Variants in GCA observed in about 807,000 individuals in gnomAD.
GCA encodes grancalcin, EF-hand calcium-binding protein.
GCA carries 30 observed loss-of-function variants against 32.6 expected under a neutral mutation model. The ratio of observed to expected loss-of-function variants is 0.92; its 90% CI spans 0.69 to 1.25. The LOEUF (loss-of-function observed/expected upper bound fraction) is 1.25, where lower values mean the gene tolerates loss of function less well. GCA is among the 50% of genes most tolerant of loss of function. The pLI is 0.00. For missense variants in GCA, 291 were observed against 266.8 expected (o/e 1.09, Z -0.63); for synonymous variants, 102 against 84.6 (o/e 1.21, Z -1.13).
intron 1 of GCA, among the ~76,000 whole-genome samples, chr2:162,327,465 A>G (rs1683926953): frequency 6.6e-6 from 1 of 152,158 alleles, no homozygotes; most frequent in Non-Finnish European, 1.5e-5. Flanking sequence ...GGGCCCTTTT[A>G]ATCCTTATAA....
At chr2:162,358,547 A>G (rs1461853116) in intron 5 of GCA, among the ~76,000 whole-genome samples, 1 of 151,354 alleles carries the variant, frequency 6.6e-6, no homozygotes, top group Non-Finnish European at 1.5e-5. Context: ...CCAGGACAAA[A>G]AAGAATGTTT....
rs1309179911 is a variant in GCA at position 162,321,899 on chromosome 2, T to C, written c.-31+2674T>C. On this transcript the variant is annotated intron_variant, in intron 1 of 4. Coordinates refer to the GCA transcript ENST00000429691. ...ATTTAGTTACATATATATATATATA[T>C]ATATATATATATATATATATATATA... is the stretch of plus-strand genomic sequence containing the variant. Among the ~76,000 whole-genome samples the C allele has an allele frequency of 6.7e-5, 6 of 90,104 alleles. No homozygotes were observed. The South Asian group carries it at 1.8e-3, about 27-fold the overall frequency. 59.1% of individuals were successfully genotyped at this position (90,104 alleles called of 152,430 possible).
chr2:162,329,881 G>C (rs1284672952), intron 1 of GCA, among the ~76,000 whole-genome samples: 1 of 152,002 alleles, frequency 6.6e-6, no homozygotes. Context: ...TCCCCCATGT[G>C]TTCTCATCAT....
chr2:162,350,920 A>T (rs868070250), intron 2 of GCA, among the ~76,000 whole-genome samples: 3 of 152,130 alleles, frequency 2.0e-5, no homozygotes, highest in South Asian at 4.1e-4. Flanking sequence ...TCATATATTG[A>T]GTTCTACCTA....
chr2:162,371,748 AG>A (rs1160236820), downstream of GCA: 3 of 1,317,850 alleles, frequency 2.3e-6, no homozygotes, highest in Non-Finnish European at 3.1e-6. Flanking sequence ...CCCTGAGTCA[AG>A]TAGAGAGGAT....
At chr2:162,375,057 G>C (rs1686112783), downstream of GCA, among the ~76,000 whole-genome samples, 1 of 152,044 alleles carries the variant, frequency 6.6e-6, no homozygotes, top group African/African-American at 2.4e-5. Flanking sequence ...TCAAGTCCCA[G>C]CTTATATGTT....
At chr2:162,371,857 A>G, downstream of GCA, 1 of 1,611,200 alleles carries the variant, frequency 6.2e-7, no homozygotes, top group Non-Finnish European at 8.5e-7. Context: ...AGGATCAGAA[A>G]CATGCCTATG....
intron 1 of GCA, among the ~76,000 whole-genome samples, chr2:162,321,582 G>T (rs1576248047): frequency 6.6e-6 from 1 of 151,986 alleles, no homozygotes; most frequent in Admixed American, 6.6e-5. Flanking sequence ...CTGGCAGTGT[G>T]GGGTATGGTT....
Position 162,360,484 on chromosome 2 carries a change from A to G in GCA, c.*241A>G. The G allele has an allele frequency of 1.0e-6, 1 of 981,106 alleles. No homozygotes were observed. The highest frequency in any genetic ancestry group is 1.4e-6 in the Non-Finnish European group (1 of 738,380). The allele number at this position is 981,106 out of a possible 1,614,324, so 60.8% of individuals were successfully genotyped here. ...AAATATGTGCATATTGTCATAAAATATTGTATGATTAATTGATTTAAATAA... is the reference window on the plus strand; with the variant it reads ...AAATATGTGCATATTGTCATAAAATGTTGTATGATTAATTGATTTAAATAA... On this transcript the variant is annotated 3_prime_UTR_variant, in exon 8 of 8. Transcript: ENST00000437150.
At chr2:162,356,627 G>A in intron 4 of GCA, 131 bp from the exon 5 acceptor site, 1 of 861,082 alleles carries the variant, frequency 1.2e-6, no homozygotes, top group Non-Finnish European at 1.8e-6. Context: ...AGGCTTTCTA[G>A]TTTTTATGCA....
chr2:162,372,788 A>G (rs766748836), downstream of GCA, among the ~76,000 whole-genome samples: 1 of 152,164 alleles, frequency 6.6e-6, no homozygotes, highest in Non-Finnish European at 1.5e-5. Context: ...ACTAATTAAG[A>G]CTAATTCCCA....
intron 5 of GCA, among the ~76,000 whole-genome samples, chr2:162,358,291 C>T (rs1576299153): frequency 6.6e-6 from 1 of 151,206 alleles, no homozygotes; most frequent in Admixed American, 6.6e-5. Context: ...CAGTTGTATT[C>T]GTTTTAAATT....
intron 4 of GCA, among the ~76,000 whole-genome samples, chr2:162,370,256 A>G (rs1360086525): frequency 6.6e-6 from 1 of 152,178 alleles, no homozygotes; most frequent in African/African-American, 2.4e-5. Flanking sequence ...GTGCACTGAT[A>G]AAATGTTCTT....
intron 1 of GCA, among the ~76,000 whole-genome samples, chr2:162,330,945 T>C (rs377429167): frequency 1.3e-5 from 2 of 152,260 alleles, no homozygotes; most frequent in African/African-American, 4.8e-5. Flanking sequence ...AATGTATTTC[T>C]GTTTAAAGAC....
chr2:162,318,911 A>G, upstream of GCA: 1 of 208,700 alleles, frequency 4.8e-6, no homozygotes, highest in Non-Finnish European at 1.0e-5. Flanking sequence ...TTGTTTTCCC[A>G]GCAGGTTCTG....
chr2:162,330,945 T>G lies in GCA; in HGVS notation c.-31+11720T>G, dbSNP rs377429167. On this transcript the variant is annotated intron_variant, in intron 1 of 4. Coordinates refer to the GCA transcript ENST00000429691. ...CATAACTTTGTTTTGAATGTATTTCTGTTTAAAGACATTTTATTTAGTATA... is the reference window on the plus strand; with the variant it reads ...CATAACTTTGTTTTGAATGTATTTCGGTTTAAAGACATTTTATTTAGTATA... Among the ~76,000 whole-genome samples, 36 of 152,378 alleles carry G rather than the reference T, an allele frequency of 2.4e-4. No individual in the cohort carries two copies. The South Asian group carries it at 7.5e-3, about 32-fold the overall frequency.
chr2:162,357,915 A>C (rs1409174363), intron 5 of GCA, among the ~76,000 whole-genome samples: 1 of 151,708 alleles, frequency 6.6e-6, no homozygotes, highest in Non-Finnish European at 1.5e-5. Flanking sequence ...TTTTCTGAGA[A>C]TACTATGGGA....
chr2:162,359,068 TAACTA>T lies in GCA; in HGVS notation c.480_484del (p.Leu160PhefsTer4). Reference sequence around the variant, plus strand: ...GGTTATAGGTTGAGTCCTCAAACATTAACTACTATTGTTAAACGTTATAGCAAGAA... The same window carrying T: ...GGTTATAGGTTGAGTCCTCAAACATTCTATTGTTAAACGTTATAGCAAGAA... On this transcript the variant is annotated frameshift_variant, in exon 6 of 8. Transcript: ENST00000437150. LOFTEE classifies it high-confidence loss of function. 1 of 1,586,748 alleles carries T rather than the reference TAACTA, an allele frequency of 6.3e-7. No individual in the cohort carries two copies. The highest frequency in any genetic ancestry group is 8.6e-7 in the Non-Finnish European group (1 of 1,157,302).
chr2:162,337,411 G>A (rs1010871383), intron 1 of GCA, among the ~76,000 whole-genome samples: 5 of 152,168 alleles, frequency 3.3e-5, no homozygotes, highest in Non-Finnish European at 7.4e-5. Context: ...GCACTGGGAC[G>A]CTGTATCAGG....
Sources: gnomAD v4.1 joint callset for allele counts (sites outside exome capture counted in the v4.1 genomes callset) on GRCh38, gnomAD v4.1.1 for gene constraint, MANE v1.5 for transcripts, NCBI Gene and HGNC (gene_info 2026-07-23, HGNC 2026-07-21) for gene names.